ANKDD1B: variants seen among roughly 807,000 people sequenced by gnomAD.
The protein encoded by ANKDD1B is ankyrin repeat and death domain containing 1B, also known as ankyrin repeat and death domain-containing protein 1B.
ANKDD1B carries 57 observed loss-of-function variants against 59.7 expected under a neutral mutation model. The observed-to-expected ratio is 0.95, with a 90% CI of 0.77 to 1.19. The LOEUF (loss-of-function observed/expected upper bound fraction) is 1.19. Among genes scored for constraint, ANKDD1B ranks in the 50% most tolerant of loss-of-function variants. The probability of loss-of-function intolerance (pLI) is 0.00; values close to 1 mark genes in which losing one functional copy is unlikely to be tolerated. For synonymous variants in ANKDD1B, 216 were observed against 239.5 expected (o/e 0.90, Z 0.91); for missense variants, 602 against 641.9 (o/e 0.94, Z 0.67).
At chr5:75,657,529 A>C (rs1446618606) in intron 9 of ANKDD1B, among the ~76,000 whole-genome samples, 1 of 152,098 alleles carries the variant, frequency 6.6e-6, no homozygotes, top group African/African-American at 2.4e-5. Context: ...GTTGGTACAG[A>C]TCTTTGATAG....
At chr5:75,670,155 CCT>C (rs1358848391) in intron 13 of ANKDD1B, among the ~76,000 whole-genome samples, 1 of 152,182 alleles carries the variant, frequency 6.6e-6, no homozygotes, top group African/African-American at 2.4e-5. Flanking sequence ...CAACTTTTAC[CCT>C]GTTCCCATTG....
intron 1 of ANKDD1B, among the ~76,000 whole-genome samples, chr5:75,612,882 A>T (rs1773608112): frequency 6.6e-6 from 1 of 152,194 alleles, no homozygotes; most frequent in Non-Finnish European, 1.5e-5. Context: ...TCATGCCTAC[A>T]TCAACAGATT....
chr5:75,635,000 A>G lies in ANKDD1B; in HGVS notation c.699+4A>G, dbSNP rs1042708172. On this transcript the variant is annotated splice_donor_region_variant and intron_variant, in intron 6 of 13. Transcript: ENST00000601380. ...GCATACTTCAGAAAAGGACAAGGTGAGTTGGACTTTTATTTCTTTGCTGAG... is the reference window on the plus strand; with the variant it reads ...GCATACTTCAGAAAAGGACAAGGTGGGTTGGACTTTTATTTCTTTGCTGAG... 6.6e-7 allele frequency: 1 copy of G among 1,517,474 alleles called. No individual in the cohort carries two copies. Among genetic ancestry groups the G allele is most frequent in the Non-Finnish European group, 8.8e-7 (1 of 1,130,452 alleles). The allele number at this position is 1,517,474 out of a possible 1,614,324, so 94.0% of individuals were successfully genotyped here. A position where few individuals can be genotyped will look rare whatever the true frequency, so the allele number is the denominator to read the frequency against.
intron 10 of ANKDD1B, among the ~76,000 whole-genome samples, chr5:75,663,172 G>A (rs1054001521): frequency 7.2e-5 from 11 of 152,154 alleles, no homozygotes; most frequent in African/African-American, 2.4e-4. Context: ...GAAATATTCA[G>A]GGTGGCACAG....
chr5:75,611,850 AGAAAAT>A, intron 1 of ANKDD1B, 23 bp downstream of exon 1: 1 of 1,231,740 alleles, frequency 8.1e-7, no homozygotes, highest in Non-Finnish European at 1.0e-6. Context: ...ACGAGGTCTC[AGAAAAT>A]CAGGCTGCGG....
At chr5:75,629,582 ACAAT>A (rs1774092518) in intron 5 of ANKDD1B, among the ~76,000 whole-genome samples, 1 of 151,894 alleles carries the variant, frequency 6.6e-6, no homozygotes, top group South Asian at 2.1e-4. Flanking sequence ...TTTATAATAA[ACAAT>A]CCCAATCCCT....
intron 12 of ANKDD1B, 30 bp downstream of exon 12, chr5:75,667,023 A>C (rs1775325040): frequency 1.5e-6 from 2 of 1,366,108 alleles, no homozygotes; most frequent in Non-Finnish European, 1.9e-6. Flanking sequence ...TGTGGGCAGG[A>C]GGAATTCACT....
chr5:75,631,738 C>A (rs1774166435), intron 5 of ANKDD1B, among the ~76,000 whole-genome samples: 1 of 152,204 alleles, frequency 6.6e-6, no homozygotes, highest in African/African-American at 2.4e-5. Flanking sequence ...GTGCCCACAT[C>A]TTCTGAGAAG....
At chr5:75,640,642 G>T (rs527427661) in intron 7 of ANKDD1B, among the ~76,000 whole-genome samples, 1 of 152,292 alleles carries the variant, frequency 6.6e-6, no homozygotes, top group African/African-American at 2.4e-5. Context: ...GTTGAAGGAG[G>T]TCATGAAGAG....
At chr5:75,655,041 C>A (rs1416368161) in intron 8 of ANKDD1B, among the ~76,000 whole-genome samples, 1 of 152,186 alleles carries the variant, frequency 6.6e-6, no homozygotes, top group East Asian at 1.9e-4. Flanking sequence ...TCTTCCCTCC[C>A]TTTTCGCCCC....
intron 7 of ANKDD1B, among the ~76,000 whole-genome samples, chr5:75,648,251 A>AT (rs1457275630): frequency 3.8e-4 from 10 of 26,552 alleles, no homozygotes; most frequent in African/African-American, 1.2e-3. Flanking sequence ...TTAAAGTATA[A>AT]TTAAAAAAAA....
At chr5:75,661,078 G>GTT (rs201288015) in intron 10 of ANKDD1B, among the ~76,000 whole-genome samples, 5 of 143,000 alleles carry the variant, frequency 3.5e-5, no homozygotes, top group South Asian at 2.2e-4. Flanking sequence ...AGGTTTTTTT[G>GTT]TTTTTTTTTT....
intron 7 of ANKDD1B, among the ~76,000 whole-genome samples, chr5:75,641,861 G>A (rs1774474056): frequency 6.6e-6 from 1 of 152,070 alleles, no homozygotes; most frequent in African/African-American, 2.4e-5. Context: ...AATTTAAAAG[G>A]CAGAAAGCTA....
chr5:75,658,209 TA>T (rs1282105501), intron 9 of ANKDD1B, among the ~76,000 whole-genome samples: 1 of 151,904 alleles, frequency 6.6e-6, no homozygotes, highest in Non-Finnish European at 1.5e-5. Flanking sequence ...AGAAAAAAAT[TA>T]AAATATAAAT....
chr5:75,661,684 C>T (rs1775156563), intron 10 of ANKDD1B, among the ~76,000 whole-genome samples: 1 of 151,950 alleles, frequency 6.6e-6, no homozygotes, highest in Non-Finnish European at 1.5e-5. Context: ...ATGTTGGGGT[C>T]CCTGCTGCTT....
At chr5:75,637,209 C>T (rs1295567711) in intron 7 of ANKDD1B, among the ~76,000 whole-genome samples, 2 of 128,274 alleles carry the variant, frequency 1.6e-5, no homozygotes, top group East Asian at 2.3e-4. Context: ...CGTACCACTG[C>T]ACCTGAGCCT....
rs1428030962 is a variant in ANKDD1B, at chr5:75,625,873, T to C, written c.518T>C (p.Phe173Ser). The change falls in exon 5 of 14, where the codon TTT (phenylalanine) becomes TCT (serine). Residue 173 changes from phenylalanine (F) to serine (S), a missense_variant. Phe to Ser is a radical substitution (Grantham distance 155). Transcript: ENST00000601380. Reference protein sequence around the residue: ...KNQDGMSALHFATQSNHVRIV... With the variant: ...KNQDGMSALHSATQSNHVRIV... ...CAGGATGGAATGAGCGCCCTCCACT[T>C]TGCCACTCAGAGCAATCATGTGCGC... is the stretch of plus-strand genomic sequence containing the variant. 1.3e-6 allele frequency: 2 copies of C among 1,536,340 alleles called. No individual in the cohort carries two copies. Among genetic ancestry groups the C allele is most frequent in the East Asian group, 2.4e-5 (1 of 40,924 alleles).
intron 3 of ANKDD1B, among the ~76,000 whole-genome samples, chr5:75,621,650 C>T (rs1355533412): frequency 6.6e-6 from 1 of 152,146 alleles, no homozygotes; most frequent in African/African-American, 2.4e-5. Flanking sequence ...ACAGCAAACA[C>T]CTATGTATCC....
intron 7 of ANKDD1B, among the ~76,000 whole-genome samples, chr5:75,652,627 C>T (rs1257606151): frequency 1.3e-5 from 2 of 152,138 alleles, no homozygotes; most frequent in Non-Finnish European, 1.5e-5. Flanking sequence ...TTTGTAGAGA[C>T]AAGGTTTCAC....
Sources: allele counts gnomAD v4.1 joint callset (sites outside exome capture counted in the v4.1 genomes callset), GRCh38; gene constraint gnomAD v4.1.1; transcripts MANE v1.5; gene names NCBI Gene and HGNC (gene_info 2026-07-23, HGNC 2026-07-21).